Variants in PCDH9 observed in about 807,000 individuals in gnomAD.
PCDH9 encodes protocadherin 9.
PCDH9 carries 24 observed loss-of-function variants against 70.6 expected under a neutral mutation model. That is an observed-to-expected ratio of 0.34 (90% CI 0.25 to 0.48). The LOEUF (loss-of-function observed/expected upper bound fraction) is 0.48, where lower values mean the gene tolerates loss of function less well. Among genes scored for constraint, PCDH9 ranks in the 20% least tolerant of loss-of-function variants. The pLI is 0.99. For synonymous variants in PCDH9, 562 were observed against 558.5 expected (o/e 1.01, Z -0.09); for missense variants, 1,281 against 1,503.6 (o/e 0.85, Z 2.45).
intron 3 of PCDH9, among the ~76,000 whole-genome samples, chr13:66,896,530 T>C (rs551436415): frequency 6.6e-6 from 1 of 152,158 alleles, no homozygotes; most frequent in Non-Finnish European, 1.5e-5. Context: ...CAGATTTACA[T>C]AATTATAAAA....
intron 4 of PCDH9, among the ~76,000 whole-genome samples, chr13:66,612,654 C>T (rs2077306856): frequency 6.6e-6 from 1 of 151,926 alleles, no homozygotes; most frequent in Non-Finnish European, 1.5e-5. Context: ...GGAGGGGATC[C>T]CTGAAGAAAC....
chr13:66,511,589 T>A (rs1423755061), intron 4 of PCDH9, among the ~76,000 whole-genome samples: 1 of 152,142 alleles, frequency 6.6e-6, no homozygotes, highest in Non-Finnish European at 1.5e-5. Context: ...AATCTCATGT[T>A]GAAATGTAAT....
intron 3 of PCDH9, among the ~76,000 whole-genome samples, chr13:66,763,247 T>C (rs1051186269): frequency 2.0e-5 from 3 of 151,932 alleles, no homozygotes; most frequent in Non-Finnish European, 4.4e-5. Context: ...GATAAATACA[T>C]ATCAAAGTGG....
At chr13:66,627,137 A>G (rs2077509881) in intron 4 of PCDH9, among the ~76,000 whole-genome samples, 1 of 152,166 alleles carries the variant, frequency 6.6e-6, no homozygotes, top group Non-Finnish European at 1.5e-5. Flanking sequence ...TTTTTATATG[A>G]ACCATATTTG....
rs146317131 is a variant in PCDH9, at chr13:66,910,967, A to T, written c.3037-7362T>A. The stretch of plus-strand genomic sequence containing the variant: ...TAAGAAACTTTTGACAAATGCAGAA[A>T]TAAAGGAGACAGAGATAGCAATAGA... On this transcript the variant is annotated intron_variant, in intron 2 of 4. Transcript: ENST00000377865. Among the ~76,000 whole-genome samples, 410 of 152,356 alleles carry T rather than the reference A, an allele frequency of 2.7e-3. 2 individuals are homozygous for T. The highest frequency in any genetic ancestry group is 9.7e-3 in the African/African-American group (403 of 41,582).
chr13:66,978,533 G>A (rs1278602093), intron 2 of PCDH9: 1 of 151,558 alleles, frequency 6.6e-6, no homozygotes, highest in East Asian at 1.9e-4. Flanking sequence ...ATTCACATAT[G>A]CTCCTATTTT....
At chr13:66,552,544 T>C (rs1961532517) in intron 4 of PCDH9, among the ~76,000 whole-genome samples, 1 of 152,164 alleles carries the variant, frequency 6.6e-6, no homozygotes, top group South Asian at 2.1e-4. Flanking sequence ...GATGCCTGTC[T>C]CAATTCTTTG....
At chr13:66,742,074 A>G (rs370919226) in intron 3 of PCDH9, among the ~76,000 whole-genome samples, 2 of 58,242 alleles carry the variant, frequency 3.4e-5, no homozygotes, top group African/African-American at 1.2e-4. Context: ...GAGGCATCAC[A>G]CTACCTGACT....
chr13:66,445,073 A>G (rs993267904), intron 4 of PCDH9, among the ~76,000 whole-genome samples: 11 of 147,372 alleles, frequency 7.5e-5, no homozygotes, highest in Non-Finnish European at 1.3e-4. Flanking sequence ...AATATGTATT[A>G]TATCTATCAT....
At chr13:66,576,069 T>TTAAAAA (rs2076810841) in intron 4 of PCDH9, among the ~76,000 whole-genome samples, 1 of 106,078 alleles carries the variant, frequency 9.4e-6, no homozygotes, top group African/African-American at 3.3e-5. Context: ...TCACAGCAGA[T>TTAAAAA]AAAAAAAAAA....
intron 4 of PCDH9, among the ~76,000 whole-genome samples, chr13:66,358,213 C>G (rs939654501): frequency 6.6e-6 from 1 of 151,942 alleles, no homozygotes; most frequent in Middle Eastern, 3.4e-3. Context: ...TTAAAGAAAG[C>G]TACTACTTAA....
At chr13:66,763,495 T>C (rs1349722735) in intron 3 of PCDH9, among the ~76,000 whole-genome samples, 1 of 152,068 alleles carries the variant, frequency 6.6e-6, no homozygotes, top group African/African-American at 2.4e-5. Flanking sequence ...CAGCCAAATA[T>C]TTTATACCTG....
chr13:66,926,776 T>G (rs1443945670), intron 2 of PCDH9, among the ~76,000 whole-genome samples: 1 of 152,062 alleles, frequency 6.6e-6, no homozygotes, highest in Non-Finnish European at 1.5e-5. Context: ...CACACTACAA[T>G]TTTTTGTGTT....
chr13:66,410,910 T>C (rs1411892782), intron 4 of PCDH9, among the ~76,000 whole-genome samples: 1 of 152,214 alleles, frequency 6.6e-6, no homozygotes, highest in African/African-American at 2.4e-5. Context: ...ATGAAATGTT[T>C]TGAAATTGAT....
At chr13:67,091,185 G>A (rs542826584) in intron 2 of PCDH9, among the ~76,000 whole-genome samples, 49 of 152,106 alleles carry the variant, frequency 3.2e-4, no homozygotes, top group African/African-American at 1.1e-3. Flanking sequence ...TAATTTAAAT[G>A]AGTTCTACAT....
chr13:66,568,154 T>C lies in PCDH9; in HGVS notation c.3340+63056A>G, dbSNP rs138654624. Among the ~76,000 whole-genome samples the C allele has an allele frequency of 4.4e-3, 667 of 152,214 alleles. 27 individuals are homozygous for C. The East Asian group carries it at 0.085, about 19-fold the overall frequency. On this transcript the variant is annotated intron_variant, in intron 4 of 4. Transcript: ENST00000377865. ...CCTAATCTGATAGGGTTGGTTCTCC[T>C]AATCATAAGAAGAAGAAATAACTGA...
At position 66,652,344 on chromosome 13, in the gene PCDH9, T is replaced by G. The variant is rs1305800286; in HGVS notation, c.3139-20933A>C. Among the ~76,000 whole-genome samples, 5 of 152,000 alleles carry G rather than the reference T, an allele frequency of 3.3e-5. No individual in the cohort carries two copies. In the South Asian group the frequency reaches 1.0e-3, roughly 32 times the overall value. ...ATTTATTTATGCCAACAGTGAACAA[T>G]CTGAAAAAGAAATCAAGAAAATAAT... is the stretch of plus-strand genomic sequence containing the variant. On this transcript the variant is annotated intron_variant, in intron 3 of 4. Transcript: ENST00000377865.
At chr13:67,107,795 T>C (rs980680793) in intron 2 of PCDH9, among the ~76,000 whole-genome samples, 1 of 152,154 alleles carries the variant, frequency 6.6e-6, no homozygotes, top group Non-Finnish European at 1.5e-5. Flanking sequence ...GCTCACCATA[T>C]TGCAGGCAAC....
At chr13:66,535,188 C>T (rs1235276101) in intron 4 of PCDH9, among the ~76,000 whole-genome samples, 3 of 151,848 alleles carry the variant, frequency 2.0e-5, no homozygotes, top group East Asian at 3.9e-4. Context: ...GAACATGAAA[C>T]ACTAGAAAAT....
Sources: gnomAD v4.1 joint callset for allele counts (sites outside exome capture counted in the v4.1 genomes callset) on GRCh38, gnomAD v4.1.1 for gene constraint, MANE v1.5 for transcripts, NCBI Gene and HGNC (gene_info 2026-07-23, HGNC 2026-07-21) for gene names.